Variants in DAB1 observed in about 807,000 individuals in gnomAD.
DAB1 encodes disabled homolog 1.
In DAB1, 15 loss-of-function variants were observed where a neutral mutation model predicts 64.6. The ratio of observed to expected loss-of-function variants is 0.23; its 90% CI spans 0.16 to 0.36. The LOEUF is 0.36. Among genes scored for constraint, DAB1 ranks in the 10% least tolerant of loss-of-function variants. The pLI is 1.00. For missense variants in DAB1, 596 were observed against 706.7 expected (o/e 0.84, Z 1.78); for synonymous variants, 235 against 251.9 (o/e 0.93, Z 0.64).
chr1:57,664,406 A>T (rs1646422848), intron 6 of DAB1, among the ~76,000 whole-genome samples: 1 of 152,190 alleles, frequency 6.6e-6, no homozygotes, highest in South Asian at 2.1e-4. Context: ...GGCACATTGC[A>T]TATTTATTTA....
intron 2 of DAB1, among the ~76,000 whole-genome samples, chr1:57,173,552 C>T (rs371606260): frequency 1.2e-4 from 18 of 152,196 alleles, no homozygotes; most frequent in African/African-American, 1.9e-4. Context: ...ATCTGAAACC[C>T]GAAACACTGC....
chr1:58,509,019 G>T (rs1249483308), intron 2 of DAB1, among the ~76,000 whole-genome samples: 1 of 152,098 alleles, frequency 6.6e-6, no homozygotes, highest in Non-Finnish European at 1.5e-5. Context: ...CAGCACTTTG[G>T]ACTAGCATGA....
intron 5 of DAB1, among the ~76,000 whole-genome samples, chr1:58,096,364 T>A (rs974777029): frequency 6.6e-6 from 1 of 152,194 alleles, no homozygotes; most frequent in African/African-American, 2.4e-5. Context: ...AAAGTAGGTA[T>A]AAATTGATCA....
intron 2 of DAB1, among the ~76,000 whole-genome samples, chr1:57,261,076 G>C (rs197635): frequency 0.68 from 103,513 of 151,838 alleles, 35,507 homozygotes; most frequent in East Asian, 0.85. Flanking sequence ...GAGTAGCAAG[G>C]ACTCAATAAT....
At chr1:57,197,392 T>A (rs1434920223) in intron 2 of DAB1, among the ~76,000 whole-genome samples, 1 of 151,408 alleles carries the variant, frequency 6.6e-6, no homozygotes, top group Non-Finnish European at 1.5e-5. Flanking sequence ...CGAAACCACA[T>A]GATGAAATGC....
chr1:57,473,794 C>A, intron 7 of DAB1, among the ~76,000 whole-genome samples: 1 of 152,164 alleles, frequency 6.6e-6, no homozygotes, highest in East Asian at 1.9e-4. Flanking sequence ...GCATTTATCT[C>A]TGTCTTTGTT....
intron 1 of DAB1, among the ~76,000 whole-genome samples, chr1:57,835,861 G>A (rs908961762): frequency 6.6e-6 from 1 of 152,166 alleles, no homozygotes; most frequent in African/African-American, 2.4e-5. Flanking sequence ...AACACACCAG[G>A]AGAACTGCTT....
chr1:57,506,308 C>T (rs1644342893), intron 7 of DAB1, among the ~76,000 whole-genome samples: 1 of 152,148 alleles, frequency 6.6e-6, no homozygotes, highest in African/African-American at 2.4e-5. Flanking sequence ...AAAAATGAAA[C>T]TTGGAGAAGA....
intron 2 of DAB1, among the ~76,000 whole-genome samples, chr1:57,255,385 G>A (rs1290585675): frequency 6.6e-6 from 1 of 152,178 alleles, no homozygotes; most frequent in Non-Finnish European, 1.5e-5. Flanking sequence ...AAACAGGCCA[G>A]GTGAGGTGGC....
intron 7 of DAB1, among the ~76,000 whole-genome samples, chr1:57,454,501 C>A (rs1240863455): frequency 6.6e-6 from 1 of 151,878 alleles, no homozygotes; most frequent in Non-Finnish European, 1.5e-5. Flanking sequence ...CCGGGGTCTA[C>A]TTGAGGATGG....
chr1:57,524,055 C>G (rs1353678962), intron 7 of DAB1, among the ~76,000 whole-genome samples: 1 of 151,892 alleles, frequency 6.6e-6, no homozygotes, highest in Non-Finnish European at 1.5e-5. Flanking sequence ...GAAATCATCA[C>G]AGGAAGAAAC....
At chr1:58,361,445 T>C (rs1448726373) in intron 3 of DAB1, among the ~76,000 whole-genome samples, 1 of 152,220 alleles carries the variant, frequency 6.6e-6, no homozygotes, top group African/African-American at 2.4e-5. Flanking sequence ...CTCTTTTTAC[T>C]GTTTTTCAGG....
chr1:57,233,446 G>A (rs1667854319), intron 2 of DAB1, among the ~76,000 whole-genome samples: 1 of 151,234 alleles, frequency 6.6e-6, no homozygotes, highest in Non-Finnish European at 1.5e-5. Flanking sequence ...GCTTTGCTCC[G>A]ATTCTTAACA....
intron 2 of DAB1, among the ~76,000 whole-genome samples, chr1:58,508,157 T>G (rs1646018752): frequency 6.6e-6 from 1 of 152,170 alleles, no homozygotes; most frequent in African/African-American, 2.4e-5. Flanking sequence ...TATTCCAAGC[T>G]AAAAGTATTA....
intron 2 of DAB1, among the ~76,000 whole-genome samples, chr1:57,265,113 G>A (rs1367082013): frequency 2.0e-5 from 3 of 152,182 alleles, no homozygotes; most frequent in Admixed American, 1.3e-4. Context: ...AGGATGGGAT[G>A]CCCAGCTCTC....
chr1:58,083,310 T>C (rs913007428), intron 5 of DAB1, among the ~76,000 whole-genome samples: 17 of 152,320 alleles, frequency 1.1e-4, no homozygotes, highest in African/African-American at 3.8e-4. Context: ...ATATTTTTCC[T>C]TGGGAGTCCC....
chr1:57,793,785 G>C (rs1272650723), intron 6 of DAB1, among the ~76,000 whole-genome samples: 1 of 152,192 alleles, frequency 6.6e-6, no homozygotes, highest in Non-Finnish European at 1.5e-5. Flanking sequence ...GATTACATGA[G>C]ATAATTGTTG....
intron 9 of DAB1, among the ~76,000 whole-genome samples, chr1:57,039,232 C>T (rs1309470221): frequency 1.3e-5 from 2 of 152,126 alleles, no homozygotes; most frequent in Non-Finnish European, 1.5e-5. Flanking sequence ...ACAATGCTTA[C>T]AATGTGGGCT....
intron 4 of DAB1, among the ~76,000 whole-genome samples, chr1:58,225,608 T>C (rs565645509): frequency 6.6e-6 from 1 of 151,288 alleles, no homozygotes; most frequent in South Asian, 2.1e-4. Context: ...GTGGCATGTA[T>C]ACATCAGGGA....
Sources: gnomAD v4.1 joint callset for allele counts (sites outside exome capture counted in the v4.1 genomes callset) on GRCh38, gnomAD v4.1.1 for gene constraint, MANE v1.5 for transcripts, NCBI Gene and HGNC (gene_info 2026-07-23, HGNC 2026-07-21) for gene names.